Variants in SGCZ observed in about 807,000 individuals in gnomAD.
The protein encoded by SGCZ is sarcoglycan zeta, also known as zeta-sarcoglycan.
Under a neutral mutation model 41.3 loss-of-function variants are expected in SGCZ, and 40 were observed. That is an observed-to-expected ratio of 0.97 (90% CI 0.75 to 1.26). SGCZ has a LOEUF of 1.26. SGCZ is among the 50% of genes most tolerant of loss of function. SGCZ has a pLI of 0.00. For missense variants in SGCZ, 552 were observed against 369.8 expected, an observed-to-expected ratio of 1.49 and a Z score of -4.04; for synonymous variants, 206 against 137.5, an observed-to-expected ratio of 1.50 and a Z score of -3.49.
rs532516817 is a variant in SGCZ at position 14,233,941 on chromosome 8, A to G, written c.424+3651T>C. Among the ~76,000 whole-genome samples, 504 of 152,006 alleles carry G rather than the reference A, an allele frequency of 3.3e-3. 1 individual carries two copies. The highest frequency in any genetic ancestry group is 5.9e-3 in the Non-Finnish European group (398 of 67,850). On this transcript the variant is annotated intron_variant, in intron 4 of 7. Coordinates refer to ENST00000382080, the MANE Select transcript of SGCZ (RefSeq NM_139167.4). ...TTTCTTTAACCACTTCTCAACAACA[A>G]TCTCATTCCTCTCTTTCAGCTTTAT...
At chr8:14,434,573 A>G (rs1800034697) in intron 2 of SGCZ, among the ~76,000 whole-genome samples, 1 of 152,168 alleles carries the variant, frequency 6.6e-6, no homozygotes, top group Non-Finnish European at 1.5e-5. Context: ...GGTCATTTTC[A>G]CAATATTGAT....
intron 4 of SGCZ, among the ~76,000 whole-genome samples, chr8:14,226,108 C>T (rs547736686): frequency 6.6e-6 from 1 of 152,090 alleles, no homozygotes; most frequent in African/African-American, 2.4e-5. Context: ...CCCAGGCATA[C>T]AGGATAAATT....
chr8:14,783,894 A>G (rs1018883097), intron 1 of SGCZ, among the ~76,000 whole-genome samples: 1 of 152,198 alleles, frequency 6.6e-6, no homozygotes, highest in Non-Finnish European at 1.5e-5. Flanking sequence ...AAGTTTCACA[A>G]GTTTAGTTTT....
At chr8:14,117,095 TG>T (rs1230319867) in intron 5 of SGCZ, among the ~76,000 whole-genome samples, 1 of 152,132 alleles carries the variant, frequency 6.6e-6, no homozygotes, top group Non-Finnish European at 1.5e-5. Context: ...TCTTTAAAGA[TG>T]GTCGTCCTAT....
chr8:14,801,667 T>G (rs951206166), intron 1 of SGCZ, among the ~76,000 whole-genome samples: 3 of 152,054 alleles, frequency 2.0e-5, no homozygotes, highest in African/African-American at 7.2e-5. Flanking sequence ...CATTTGGAGT[T>G]GGGGGAAAAT....
intron 3 of SGCZ, among the ~76,000 whole-genome samples, chr8:14,271,393 A>C (rs1488389950): frequency 2.6e-5 from 4 of 152,206 alleles, no homozygotes; most frequent in Admixed American, 6.5e-5. Context: ...TTTAATATAT[A>C]ATAGTAGAGT....
In SGCZ at chr8:14,688,166, T is replaced by C. The variant is rs933002163; in HGVS notation, c.40-133240A>G. 2.7e-4 allele frequency among the ~76,000 whole-genome samples: 41 copies of C among 152,172 alleles called. 1 individual carries two copies. Among genetic ancestry groups the C allele is most frequent in the Admixed American group, 2.5e-3 (38 of 15,270 alleles). On this transcript the variant is annotated intron_variant, in intron 1 of 7. Coordinates refer to ENST00000382080, the MANE Select transcript of SGCZ (RefSeq NM_139167.4). ...GGTTGCCTGTTCACTCTGATGGTAG[T>C]TTCTTTTGCTGTGCAGAAGCTCTTG...
chr8:14,833,593 G>A (rs1280128537), intron 1 of SGCZ, among the ~76,000 whole-genome samples: 1 of 152,144 alleles, frequency 6.6e-6, no homozygotes, highest in Non-Finnish European at 1.5e-5. Context: ...TAACACCTCA[G>A]GTTTTTAGTT....
intron 2 of SGCZ, among the ~76,000 whole-genome samples, chr8:14,327,337 C>T (rs1325628848): frequency 6.6e-6 from 1 of 152,154 alleles, no homozygotes; most frequent in Admixed American, 6.5e-5. Flanking sequence ...GAACCTATAA[C>T]ATGACATGGG....
At chr8:14,710,620 T>C (rs1403870691) in intron 1 of SGCZ, among the ~76,000 whole-genome samples, 1 of 152,028 alleles carries the variant, frequency 6.6e-6, no homozygotes, top group Non-Finnish European at 1.5e-5. Flanking sequence ...GTATTTATTG[T>C]TTACGAAAAA....
At chr8:14,902,710 C>A (rs1585364039) in intron 1 of SGCZ, among the ~76,000 whole-genome samples, 1 of 152,042 alleles carries the variant, frequency 6.6e-6, no homozygotes, top group South Asian at 2.1e-4. Context: ...TATCACAAAA[C>A]AAACATGATT....
intron 2 of SGCZ, among the ~76,000 whole-genome samples, chr8:14,527,206 G>A (rs1473423275): frequency 6.6e-6 from 1 of 152,274 alleles, no homozygotes; most frequent in Non-Finnish European, 1.5e-5. Context: ...TGTTTAATAT[G>A]AAACAAGCTT....
intron 1 of SGCZ, among the ~76,000 whole-genome samples, chr8:14,691,726 T>A (rs1808803835): frequency 6.6e-6 from 1 of 152,078 alleles, no homozygotes; most frequent in Non-Finnish European, 1.5e-5. Flanking sequence ...TCGTTCTTCA[T>A]AATCATGTGT....
At chr8:14,382,702 C>T (rs1408834284) in intron 2 of SGCZ, among the ~76,000 whole-genome samples, 3 of 152,104 alleles carry the variant, frequency 2.0e-5, no homozygotes, top group African/African-American at 4.8e-5. Flanking sequence ...AACAAATATG[C>T]CACACTAGTG....
intron 1 of SGCZ, among the ~76,000 whole-genome samples, chr8:15,054,301 G>A (rs924552760): frequency 2.0e-5 from 3 of 152,280 alleles, no homozygotes; most frequent in Middle Eastern, 3.4e-3. Flanking sequence ...ATATGAGTCA[G>A]TTCAGCTCAA....
chr8:14,423,178 G>A (rs1482630747), intron 2 of SGCZ, among the ~76,000 whole-genome samples: 1 of 151,898 alleles, frequency 6.6e-6, no homozygotes, highest in African/African-American at 2.4e-5. Flanking sequence ...GGGCGGAGGG[G>A]GGAGGGATAG....
At chr8:14,864,118 T>A (rs1056497452) in intron 1 of SGCZ, among the ~76,000 whole-genome samples, 3 of 152,156 alleles carry the variant, frequency 2.0e-5, no homozygotes, top group African/African-American at 7.2e-5. Context: ...AACTAGATGC[T>A]CATTTAGAAG....
chr8:14,339,697 A>G (rs1258909425), intron 2 of SGCZ, among the ~76,000 whole-genome samples: 2 of 152,218 alleles, frequency 1.3e-5, no homozygotes, highest in Non-Finnish European at 2.9e-5. Context: ...ACCACACAGT[A>G]TCATGCAGCT....
At chr8:14,589,271 G>A (rs1563135950) in intron 1 of SGCZ, among the ~76,000 whole-genome samples, 1 of 151,266 alleles carries the variant, frequency 6.6e-6, no homozygotes, top group East Asian at 1.9e-4. Context: ...GTTTGAATCT[G>A]GGAGGTGAGT....
Sources: allele counts gnomAD v4.1 joint callset (sites outside exome capture counted in the v4.1 genomes callset), GRCh38; gene constraint gnomAD v4.1.1; transcripts MANE v1.5; gene names NCBI Gene and HGNC (gene_info 2026-07-23, HGNC 2026-07-21).